Variants in RORB observed in about 807,000 individuals in gnomAD.
RORB encodes the protein RAR related orphan receptor B.
A neutral mutation model predicts 59.1 loss-of-function variants in RORB; 6 were observed. The ratio of observed to expected loss-of-function variants is 0.10; its 90% confidence interval spans 0.06 to 0.20. The LOEUF is 0.20. Among genes scored for constraint, RORB ranks in the 10% least tolerant of loss-of-function variants. RORB has a pLI of 1.00. For missense variants in RORB, 320 were observed against 560.5 expected (o/e 0.57, Z 4.33); for synonymous variants, 215 against 204.5 (o/e 1.05, Z -0.44).
chr9:74,684,368 T>C (rs1563974348), intron 9 of RORB, among the ~76,000 whole-genome samples: 1 of 152,208 alleles, frequency 6.6e-6, no homozygotes, highest in African/African-American at 2.4e-5. Context: ...ACTGTATTTT[T>C]CATCAATTTC....
intron 1 of RORB, among the ~76,000 whole-genome samples, chr9:74,543,671 G>A (rs1826447689): frequency 6.6e-6 from 1 of 152,052 alleles, no homozygotes; most frequent in African/African-American, 2.4e-5. Context: ...TTGAAATAAT[G>A]CACATATGTC....
intron 1 of RORB, among the ~76,000 whole-genome samples, chr9:74,499,530 T>TG (rs1427323028): frequency 2.0e-5 from 3 of 151,994 alleles, no homozygotes; most frequent in Non-Finnish European, 4.4e-5. Context: ...CCTGATGGGA[T>TG]GGTCTTGATT....
chr9:74,691,267 G>A lies in RORB; in HGVS notation c.*5649G>A, dbSNP rs1824736251. ...GGGTTACCGGAATTGAATGAGCCCT[G>A]TTCAGGGCAGCACGGGGCATCTGCA... On this transcript the variant is annotated 3_prime_UTR_variant, in exon 10 of 10. Coordinates refer to ENST00000376896, the MANE Select transcript of RORB (RefSeq NM_006914.4). 1 of 152,174 alleles carries A rather than the reference G, an allele frequency of 6.6e-6. No homozygotes were observed. The highest frequency in any genetic ancestry group is 1.5e-5 in the Non-Finnish European group (1 of 68,046). 9.4% of individuals were successfully genotyped at this position (152,174 alleles called of 1,614,324 possible).
At position 74,497,863 on chromosome 9, in the gene RORB, A is replaced by G. The variant is rs1825735388; in HGVS notation, c.-114A>G. 1 of 1,321,372 alleles carries G rather than the reference A, an allele frequency of 7.6e-7. No homozygotes were observed. The highest frequency in any genetic ancestry group is 2.5e-5 in the East Asian group (1 of 40,460). 81.9% of individuals were successfully genotyped at this position (1,321,372 alleles called of 1,614,324 possible). A position where few individuals can be genotyped will look rare whatever the true frequency, so the allele number is the denominator to read the frequency against. On this transcript the variant is annotated 5_prime_UTR_variant, in exon 1 of 10. Coordinates refer to ENST00000376896, the MANE Select transcript of RORB (RefSeq NM_006914.4). ...CCTAAAGGGATGGTTTTCTCGGCAG[A>G]GCAGCTCTTCGCCGACCACCTTCTT...
At chr9:74,593,633 C>G (rs778054837) in intron 1 of RORB, among the ~76,000 whole-genome samples, 1 of 152,068 alleles carries the variant, frequency 6.6e-6, no homozygotes, top group Non-Finnish European at 1.5e-5. Context: ...CACATAATTC[C>G]AGCAAGCTTG....
chr9:74,626,020 C>T (rs1170440764), intron 1 of RORB, among the ~76,000 whole-genome samples: 1 of 152,208 alleles, frequency 6.6e-6, no homozygotes. Flanking sequence ...AATCTTAACA[C>T]CTGCTGTTAC....
At chr9:74,649,935 C>A (rs1374489449) in intron 4 of RORB, among the ~76,000 whole-genome samples, 2 of 152,238 alleles carry the variant, frequency 1.3e-5, no homozygotes, top group South Asian at 2.1e-4. Flanking sequence ...CAGTGTATTT[C>A]TCCTGGAGAT....
intron 9 of RORB, among the ~76,000 whole-genome samples, chr9:74,683,100 A>C (rs1824573923): frequency 6.6e-6 from 1 of 152,190 alleles, no homozygotes; most frequent in South Asian, 2.1e-4. Context: ...GAAGCACCCC[A>C]GCCACTCTTA....
In RORB at chr9:74,687,829, A is replaced by G. The variant is rs1433737717; in HGVS notation, c.*2211A>G. 6.6e-6 allele frequency: 1 copy of G among 152,136 alleles called. No homozygotes were observed. The highest frequency in any genetic ancestry group is 1.5e-5 in the Non-Finnish European group (1 of 68,020). 9.4% of individuals were successfully genotyped at this position (152,136 alleles called of 1,614,324 possible). ...TTAAACCAAGCCGTTTCCAAATGCAATGTATGTTTTATGATTGGCTTGTGA... is the reference window on the plus strand; with the variant it reads ...TTAAACCAAGCCGTTTCCAAATGCAGTGTATGTTTTATGATTGGCTTGTGA... On this transcript the variant is annotated 3_prime_UTR_variant, in exon 10 of 10. Transcript: ENST00000376896.
chr9:74,558,178 T>C (rs1822336736), intron 1 of RORB, among the ~76,000 whole-genome samples: 1 of 152,170 alleles, frequency 6.6e-6, no homozygotes, highest in Non-Finnish European at 1.5e-5. Context: ...AATGTTATAT[T>C]CCATTTGAAT....
In RORB at chr9:74,542,008, T is replaced by C. The variant is rs565777058; in HGVS notation, c.7+44025T>C. Among the ~76,000 whole-genome samples the C allele has an allele frequency of 4.7e-4, 72 of 152,214 alleles. 2 individuals are homozygous for C. Among genetic ancestry groups the C allele is most frequent in the Non-Finnish European group, 1.9e-4 (13 of 68,016 alleles). On this transcript the variant is annotated intron_variant, in intron 1 of 9. Transcript: ENST00000376896. ...GTGGGCGAGAGGGAGCCCAATCCAATACAAAAATTTATCTCAAATAAATGG... is the reference window on the plus strand; with the variant it reads ...GTGGGCGAGAGGGAGCCCAATCCAACACAAAAATTTATCTCAAATAAATGG...
chr9:74,678,145 T>C (rs1824476401), intron 9 of RORB, among the ~76,000 whole-genome samples: 1 of 152,214 alleles, frequency 6.6e-6, no homozygotes, highest in Non-Finnish European at 1.5e-5. Context: ...ATACTCTCAT[T>C]AGTTGAAACT....
intron 4 of RORB, among the ~76,000 whole-genome samples, chr9:74,647,278 C>T (rs1192265665): frequency 6.6e-6 from 1 of 152,148 alleles, no homozygotes; most frequent in African/African-American, 2.4e-5. Context: ...AACATCTTGT[C>T]TTTGCTCCAC....
chr9:74,662,754 T>A, intron 6 of RORB, 148 bp downstream of exon 6: 1 of 782,850 alleles, frequency 1.3e-6, no homozygotes, highest in Non-Finnish European at 2.1e-6. Flanking sequence ...AAACTCTCAG[T>A]AATAAAAATG....
At chr9:74,645,371 T>A (rs553114920) in intron 4 of RORB, among the ~76,000 whole-genome samples, 2 of 152,310 alleles carry the variant, frequency 1.3e-5, no homozygotes, top group African/African-American at 2.4e-5. Context: ...CAGGAAGGCA[T>A]CTGTGGTATA....
At chr9:74,601,286 A>G (rs898993567) in intron 1 of RORB, among the ~76,000 whole-genome samples, 4 of 151,526 alleles carry the variant, frequency 2.6e-5, no homozygotes, top group Non-Finnish European at 5.9e-5. Context: ...GAAATATTAC[A>G]TATCCACTAA....
At chr9:74,647,858 A>G (rs138008178) in intron 4 of RORB, among the ~76,000 whole-genome samples, 1,740 of 152,264 alleles carry the variant, frequency 0.011, 23 homozygotes, top group Admixed American at 0.034. Flanking sequence ...TGGTGCTTCA[A>G]TTGTGGCTTA....
intron 1 of RORB, among the ~76,000 whole-genome samples, chr9:74,516,889 T>G (rs920452641): frequency 1.3e-5 from 2 of 152,064 alleles, no homozygotes; most frequent in African/African-American, 4.8e-5. Flanking sequence ...ATTGCAATGT[T>G]TCCTCACATA....
intron 1 of RORB, among the ~76,000 whole-genome samples, chr9:74,620,645 C>A (rs926341136): frequency 6.6e-6 from 1 of 152,122 alleles, no homozygotes; most frequent in Admixed American, 6.5e-5. Context: ...GTTAGGATGT[C>A]AATTTTAGAT....
Sources: allele counts gnomAD v4.1 joint callset (sites outside exome capture counted in the v4.1 genomes callset), GRCh38; gene constraint gnomAD v4.1.1; transcripts MANE v1.5; gene names NCBI Gene and HGNC (gene_info 2026-07-23, HGNC 2026-07-21).